VIT: variants seen among roughly 807,000 people sequenced by gnomAD.
VIT encodes the protein vitrin.
VIT carries 99 observed loss-of-function variants against 78.0 expected under a neutral mutation model. That is an observed-to-expected ratio of 1.27 (90% confidence interval 1.08 to 1.50). The LOEUF (loss-of-function observed/expected upper bound fraction) is 1.50. VIT is among the 40% of genes most tolerant of loss of function. The probability of loss-of-function intolerance (pLI) is 0.00; values close to 1 mark genes in which losing one functional copy is unlikely to be tolerated. For missense variants in VIT, 1,126 were observed against 875.3 expected, an observed-to-expected ratio of 1.29 and a Z score of -3.61; for synonymous variants, 374 against 334.3, an observed-to-expected ratio of 1.12 and a Z score of -1.29.
chr2:36,788,671 G>A (rs1665271402), intron 12 of VIT, among the ~76,000 whole-genome samples: 2 of 152,142 alleles, frequency 1.3e-5, no homozygotes, highest in African/African-American at 4.8e-5. Context: ...TTTACAGATA[G>A]CCAATGGATG....
At chr2:36,721,691 C>T (rs973027116) in intron 2 of VIT, among the ~76,000 whole-genome samples, 1 of 152,116 alleles carries the variant, frequency 6.6e-6, no homozygotes, top group African/African-American at 2.4e-5. Context: ...AGCCCCCACT[C>T]CGGCACTGAA....
Position 36,716,352 on chromosome 2 carries a change from G to T in VIT, c.-18-1G>T, listed in dbSNP as rs1264141864. 1 of 1,612,816 alleles carries T rather than the reference G, an allele frequency of 6.2e-7. No homozygotes were observed. The highest frequency in any genetic ancestry group is 8.5e-7 in the Non-Finnish European group (1 of 1,179,198). The stretch of plus-strand genomic sequence containing the variant: ...TGACGTTATTGTTTCTTTCTCTCCA[G>T]GGTGTCATTCTGATATTTATGAGGA... On this transcript the variant is annotated splice_acceptor_variant, in intron 1 of 15. Coordinates refer to ENST00000379242, the MANE Select transcript of VIT (RefSeq NM_053276.4). LOFTEE classifies it low-confidence loss of function (5UTR_SPLICE).
chr2:36,772,449 C>G (rs1572513004), intron 7 of VIT, among the ~76,000 whole-genome samples: 2 of 152,250 alleles, frequency 1.3e-5, no homozygotes, highest in East Asian at 3.9e-4. Flanking sequence ...GGCAGGAGAT[C>G]ACTTGAACCT....
In VIT at chr2:36,767,246, C is replaced by G; in HGVS notation, c.640C>G (p.Pro214Ala). The change falls in exon 7 of 16, where the codon CCC (proline) becomes GCC (alanine). Residue 214 changes from proline to alanine, a missense_variant. Pro to Ala is a conservative substitution (Grantham distance 27, BLOSUM62 -1). Coordinates refer to ENST00000379242, the MANE Select transcript of VIT (RefSeq NM_053276.4). ...TTCTGCTGCTTCTACCACCAGCATC[C>G]CCAGACCACAATCAGTGGGCCACAG... ...SPSAASTTSIPRPQSVGHRSQ... is the reference protein window; with the variant it reads ...SPSAASTTSIARPQSVGHRSQ... 1 of 1,593,236 alleles carries G rather than the reference C, an allele frequency of 6.3e-7. No homozygotes were observed. Among genetic ancestry groups the G allele is most frequent in the Non-Finnish European group, 8.5e-7 (1 of 1,170,250 alleles).
intron 1 of VIT, among the ~76,000 whole-genome samples, chr2:36,712,298 A>G (rs1665853587): frequency 6.6e-6 from 1 of 152,168 alleles, no homozygotes; most frequent in Admixed American, 6.5e-5. Flanking sequence ...CATTATTGAT[A>G]AGCCAACACT....
At chr2:36,788,375 A>G (rs1665255089) in intron 12 of VIT, among the ~76,000 whole-genome samples, 1 of 152,244 alleles carries the variant, frequency 6.6e-6, no homozygotes, top group Non-Finnish European at 1.5e-5. Context: ...GAAATAAATA[A>G]AATGCTTTAT....
intron 14 of VIT, among the ~76,000 whole-genome samples, chr2:36,807,276 T>C (rs545747282): frequency 6.6e-6 from 1 of 152,308 alleles, no homozygotes; most frequent in African/African-American, 2.4e-5. Context: ...CCCATTGCTC[T>C]CAAGGCCTTC....
At chr2:36,740,611 C>T (rs987084322) in intron 3 of VIT, among the ~76,000 whole-genome samples, 1 of 152,016 alleles carries the variant, frequency 6.6e-6, no homozygotes, top group African/African-American at 2.4e-5. Context: ...TTTTTTCCCC[C>T]GTGGGACAAA....
intron 1 of VIT, among the ~76,000 whole-genome samples, chr2:36,716,136 T>C (rs1333959546): frequency 6.6e-6 from 1 of 152,226 alleles, no homozygotes; most frequent in African/African-American, 2.4e-5. Flanking sequence ...TGGAGGCTGG[T>C]GGCCAGAATG....
chr2:36,744,488 AT>A (rs879548164), intron 4 of VIT, among the ~76,000 whole-genome samples: 83 of 152,152 alleles, frequency 5.5e-4, no homozygotes, highest in Non-Finnish European at 1.1e-3. Flanking sequence ...AACATCTATT[AT>A]TTTTTGGCTT....
Position 36,808,799 on chromosome 2 carries a change from ATCC to A in VIT, c.1720_1722del (p.Leu574del). 6.2e-7 allele frequency: 1 copy of A among 1,614,128 alleles called. No individual in the cohort carries two copies. Among genetic ancestry groups the A allele is most frequent in the East Asian group, 2.2e-5 (1 of 44,868 alleles). On this transcript the variant is annotated inframe_deletion, in exon 15 of 16. Coordinates refer to ENST00000379242, the MANE Select transcript of VIT (RefSeq NM_053276.4). ...CGACAAGTACAGCAGCAAGCCTGAC[ATCC>A]TCAACGCCATCAAGAGGGTGGGCTA...
At chr2:36,759,182 G>C (rs1668960302) in intron 6 of VIT, 136 bp downstream of exon 6, 1 of 1,582,394 alleles carries the variant, frequency 6.3e-7, no homozygotes, top group African/African-American at 1.3e-5. Context: ...CAGATGCCAG[G>C]AACATGGGCA....
intron 11 of VIT, among the ~76,000 whole-genome samples, chr2:36,784,616 A>G (rs779122601): frequency 6.6e-6 from 1 of 152,250 alleles, no homozygotes; most frequent in Non-Finnish European, 1.5e-5. Context: ...AACACAAAGC[A>G]TTAGTCTATA....
chr2:36,748,691 C>G (rs1668281414), intron 4 of VIT, among the ~76,000 whole-genome samples: 1 of 152,198 alleles, frequency 6.6e-6, no homozygotes, highest in African/African-American at 2.4e-5. Flanking sequence ...TCTTGTTGAG[C>G]TTCTTTGCCC....
In VIT at chr2:36,769,319, G is replaced by C. The variant is rs138992787; in HGVS notation, c.679+2034G>C. ...TACGCTGGGAGCTTGGAAATCTGTT[G>C]CAAGTTGGGCTCTGCTGGTGGAAAA... On this transcript the variant is annotated intron_variant, in intron 7 of 15. Transcript: ENST00000379242. Among the ~76,000 whole-genome samples the C allele has an allele frequency of 9.2e-5, 14 of 152,302 alleles. No homozygotes were observed. In the East Asian group the frequency reaches 2.7e-3, roughly 29 times the overall value.
chr2:36,797,978 G>A (rs1189750754), intron 12 of VIT, among the ~76,000 whole-genome samples: 2 of 152,080 alleles, frequency 1.3e-5, no homozygotes, highest in East Asian at 3.9e-4. Flanking sequence ...GCACGATTGG[G>A]GCTTTCCAGA....
At chr2:36,804,461 C>T (rs1312722752) in intron 13 of VIT, among the ~76,000 whole-genome samples, 2 of 152,204 alleles carry the variant, frequency 1.3e-5, no homozygotes, top group African/African-American at 2.4e-5. Flanking sequence ...TCCTCCCACC[C>T]TACACTCTTG....
At chr2:36,804,452 C>G (rs915837780) in intron 13 of VIT, among the ~76,000 whole-genome samples, 2 of 152,198 alleles carry the variant, frequency 1.3e-5, no homozygotes, top group Non-Finnish European at 2.9e-5. Flanking sequence ...CAGGTCAACT[C>G]CTCCCACCCT....
At chr2:36,783,759 T>C (rs955432226) in intron 11 of VIT, among the ~76,000 whole-genome samples, 6 of 151,980 alleles carry the variant, frequency 3.9e-5, no homozygotes, top group African/African-American at 1.5e-4. Flanking sequence ...GAAATGAAGA[T>C]AAATGGGCAT....
Sources: gnomAD v4.1 joint callset for allele counts (sites outside exome capture counted in the v4.1 genomes callset) on GRCh38, gnomAD v4.1.1 for gene constraint, MANE v1.5 for transcripts, NCBI Gene and HGNC (gene_info 2026-07-23, HGNC 2026-07-21) for gene names.